Variants in KLHL13 observed in about 807,000 individuals in gnomAD.
KLHL13 encodes the protein kelch-like protein 13.
A neutral mutation model predicts 37.1 loss-of-function variants in KLHL13; 10 were observed. The observed-to-expected ratio is 0.27, with a 90% CI of 0.17 to 0.46. KLHL13 has a LOEUF of 0.46. KLHL13 is among the 20% of genes least tolerant of loss of function. KLHL13 has a pLI of 1.00. For synonymous variants in KLHL13, 163 were observed against 181.2 expected (o/e 0.90, Z 0.81); for missense variants, 360 against 509.3 (o/e 0.71, Z 2.82).
chrX:118,048,706 GA>G lies in KLHL13; in HGVS notation c.-56+67801del, dbSNP rs749822843. On this transcript the variant is annotated intron_variant, in intron 1 of 6. Coordinates refer to the KLHL13 transcript ENST00000371882. ...ACATTTTTTTTAAAGAGCTTTCAAA[GA>G]AATAAAACCAGACAGAACAAAAATA... Among the ~76,000 whole-genome samples, 542 of 111,619 alleles carry G rather than the reference GA, an allele frequency of 4.9e-3. 1 individual carries two copies. Among genetic ancestry groups the G allele is most frequent in the Non-Finnish European group, 8.1e-3 (429 of 53,014 alleles).
At chrX:118,027,552 T>C (rs1250318016) in intron 1 of KLHL13, among the ~76,000 whole-genome samples, 7 of 110,195 alleles carry the variant, frequency 6.4e-5, no homozygotes, top group Non-Finnish European at 1.1e-4. Flanking sequence ...CCATGAACTT[T>C]TAAAAGTTCC....
rs576256333 is a variant in KLHL13 at position 118,100,244 on chromosome X, A to C, written c.-56+16264T>G. On this transcript the variant is annotated intron_variant, in intron 1 of 6. Coordinates refer to the KLHL13 transcript ENST00000371882. ...GAGAGTTCATGCCACTAGTTAATTT[A>C]TGCAGTCTCCGAATGGCTGGCAAAA... Among the ~76,000 whole-genome samples, 69 of 112,016 alleles carry C rather than the reference A, an allele frequency of 6.2e-4. No individual in the cohort carries two copies. In the South Asian group the frequency reaches 6.7e-3, roughly 11 times the overall value.
At chrX:117,965,863 G>T (rs1391129701) in intron 1 of KLHL13, among the ~76,000 whole-genome samples, 1 of 111,523 alleles carries the variant, frequency 9.0e-6, no homozygotes, top group Non-Finnish European at 1.9e-5. Context: ...AACCCTTCAT[G>T]CTAAAAACTC....
In KLHL13 at chrX:117,931,359, A is replaced by AT. The variant is rs1221920003; in HGVS notation, c.241-10990dup. Among the ~76,000 whole-genome samples, 7 of 111,871 alleles carry AT rather than the reference A, an allele frequency of 6.3e-5. No homozygotes were observed. The South Asian group carries it at 2.6e-3, about 42-fold the overall frequency. ...TAATCAGGAAATGATTTGTTTCCATATACCTAAGTATTCTGTAATTAATAT... is the reference window on the plus strand; with the variant it reads ...TAATCAGGAAATGATTTGTTTCCATATTACCTAAGTATTCTGTAATTAATAT... On this transcript the variant is annotated intron_variant, in intron 2 of 6. Transcript: ENST00000262820.
At chrX:118,000,597 T>C (rs777378805) in intron 1 of KLHL13, among the ~76,000 whole-genome samples, 6 of 111,122 alleles carry the variant, frequency 5.4e-5, no homozygotes, top group Non-Finnish European at 1.1e-4. Flanking sequence ...AACTTTATTT[T>C]ACAAAGTAAG....
chrX:117,899,261 C>T, exon 7 of KLHL13: 1 of 1,211,335 alleles, frequency 8.3e-7, no homozygotes, highest in South Asian at 1.8e-5. Context: ...CCACCAATGA[C>T]ATAGAGCCTT....
At chrX:118,016,913 T>C (rs1469355509) in intron 1 of KLHL13, among the ~76,000 whole-genome samples, 1 of 112,013 alleles carries the variant, frequency 8.9e-6, no homozygotes, top group African/African-American at 3.2e-5. Flanking sequence ...TCCCAAACAT[T>C]GTAAAATTCA....
intron 5 of KLHL13, among the ~76,000 whole-genome samples, chrX:117,905,261 A>G (rs1045297816): frequency 2.7e-5 from 3 of 111,981 alleles, no homozygotes; most frequent in Non-Finnish European, 5.6e-5. Context: ...ATTAATATTT[A>G]ACTGAAGTGA....
At chrX:117,973,494 G>A (rs981372903) in exon 1 of KLHL13, 2 of 913,562 alleles carry the variant, frequency 2.2e-6, no homozygotes, top group African/African-American at 4.2e-5. Flanking sequence ...TATGGGAAAA[G>A]CCCGTTTCAA....
intron 2 of KLHL13, among the ~76,000 whole-genome samples, chrX:117,923,400 T>C (rs1413074755): frequency 8.9e-6 from 1 of 112,039 alleles, no homozygotes; most frequent in Non-Finnish European, 1.9e-5. Flanking sequence ...TATGTTTATT[T>C]ATCAAATAGT....
chrX:118,109,054 A>C (rs2055377859), intron 1 of KLHL13, among the ~76,000 whole-genome samples: 2 of 112,137 alleles, frequency 1.8e-5, no homozygotes, highest in Admixed American at 1.9e-4. Flanking sequence ...GGGCTCAAGC[A>C]ATGCTCCCGC....
intron 4 of KLHL13, among the ~76,000 whole-genome samples, chrX:117,913,268 G>A (rs1292284137): frequency 9.0e-6 from 1 of 111,585 alleles, no homozygotes; most frequent in Non-Finnish European, 1.9e-5. Context: ...TTTTTAAATG[G>A]ATACATGTGT....
intron 1 of KLHL13, among the ~76,000 whole-genome samples, chrX:118,034,358 A>G (rs1251108991): frequency 1.2e-4 from 11 of 93,731 alleles, no homozygotes; most frequent in Non-Finnish European, 2.2e-4. Flanking sequence ...TCTCCTCAGC[A>G]AATGTAAAAG....
chrX:118,035,434 C>A (rs2148045195), intron 1 of KLHL13, among the ~76,000 whole-genome samples: 1 of 109,475 alleles, frequency 9.1e-6, no homozygotes, highest in African/African-American at 3.5e-5. Flanking sequence ...AAGGCTGGTT[C>A]AATATACGCA....
intron 1 of KLHL13, among the ~76,000 whole-genome samples, chrX:117,970,298 G>A (rs1055535076): frequency 1.3e-4 from 14 of 111,740 alleles, no homozygotes; most frequent in Non-Finnish European, 2.5e-4. Context: ...ACAAGCATAC[G>A]TACAAAAAGA....
chrX:118,007,861 C>A (rs779482997), intron 1 of KLHL13, among the ~76,000 whole-genome samples: 1 of 111,349 alleles, frequency 9.0e-6, no homozygotes, highest in Admixed American at 9.5e-5. Context: ...TAATAAGTCC[C>A]AAAGACAGGC....
intron 1 of KLHL13, among the ~76,000 whole-genome samples, chrX:118,004,675 G>T (rs1602641647): frequency 8.9e-6 from 1 of 112,355 alleles, no homozygotes; most frequent in Non-Finnish European, 1.9e-5. Flanking sequence ...TAAGGGATAA[G>T]ATATTTGTAT....
chrX:118,083,839 G>A (rs2055024109), intron 1 of KLHL13, among the ~76,000 whole-genome samples: 1 of 110,883 alleles, frequency 9.0e-6, no homozygotes, highest in South Asian at 3.8e-4. Flanking sequence ...CCATAAATAC[G>A]AACAATTATC....
At chrX:118,085,626 C>T (rs1182317159) in intron 1 of KLHL13, among the ~76,000 whole-genome samples, 1 of 110,432 alleles carries the variant, frequency 9.1e-6, no homozygotes, top group East Asian at 2.8e-4. Context: ...CATGATATCA[C>T]TCTGTATGCT....
Sources: gnomAD v4.1 joint callset for allele counts (sites outside exome capture counted in the v4.1 genomes callset) on GRCh38, gnomAD v4.1.1 for gene constraint, MANE v1.5 for transcripts, NCBI Gene and HGNC (gene_info 2026-07-23, HGNC 2026-07-21) for gene names.